Variants in MYO5B observed in about 807,000 individuals in gnomAD.
MYO5B encodes unconventional myosin-Vb.
In MYO5B, 143 loss-of-function variants were observed where a neutral mutation model predicts 229.3. The observed-to-expected ratio is 0.62, with a 90% CI of 0.54 to 0.72. The LOEUF is 0.72. MYO5B is among the 30% of genes least tolerant of loss of function. The pLI, the probability that MYO5B is intolerant of heterozygous loss-of-function variation, is 0.00. For synonymous variants in MYO5B, 918 were observed against 885.2 expected (o/e 1.04, Z -0.66); for missense variants, 2,321 against 2,331.0 (o/e 1.00, Z 0.09).
intron 2 of MYO5B, among the ~76,000 whole-genome samples, chr18:50,045,690 T>C (rs2030205436): frequency 6.6e-6 from 1 of 152,164 alleles, no homozygotes; most frequent in African/African-American, 2.4e-5. Flanking sequence ...GATCCTGGCC[T>C]CCAAGAGTTA....
At chr18:49,928,780 C>T (rs904019634) in intron 17 of MYO5B, among the ~76,000 whole-genome samples, 1 of 152,184 alleles carries the variant, frequency 6.6e-6, no homozygotes, top group Non-Finnish European at 1.5e-5. Context: ...TGAAGTACTA[C>T]TCAGCCATAA....
chr18:50,095,626 T>G (rs1353463211), intron 1 of MYO5B, among the ~76,000 whole-genome samples: 1 of 152,230 alleles, frequency 6.6e-6, no homozygotes, highest in Non-Finnish European at 1.5e-5. Flanking sequence ...TGAGCATGTG[T>G]GAGCCTAGCT....
chr18:49,941,844 A>G (rs1247556317), intron 14 of MYO5B, among the ~76,000 whole-genome samples: 2 of 145,086 alleles, frequency 1.4e-5, no homozygotes, highest in Non-Finnish European at 1.5e-5. Context: ...GTTCATATGG[A>G]ACCAAAAAAG....
At chr18:50,147,882 T>C (rs543814402) in intron 1 of MYO5B, among the ~76,000 whole-genome samples, 2 of 152,144 alleles carry the variant, frequency 1.3e-5, no homozygotes, top group African/African-American at 2.4e-5. Flanking sequence ...GCAGAAACTG[T>C]TACCAGCATT....
intron 3 of MYO5B, among the ~76,000 whole-genome samples, 157 bp from the exon 4 acceptor site, chr18:50,037,151 C>A (rs1568080486): frequency 2.0e-5 from 3 of 151,916 alleles, no homozygotes; most frequent in Admixed American, 2.0e-4. Context: ...CAAGGCTCAT[C>A]TGTGTGCTTC....
chr18:50,077,196 CAACTT>C (rs2031103550), intron 1 of MYO5B, among the ~76,000 whole-genome samples: 1 of 106,796 alleles, frequency 9.4e-6, no homozygotes, highest in Non-Finnish European at 2.0e-5. Flanking sequence ...AAAAAAAAGA[CAACTT>C]ACATCAGTGA....
intron 1 of MYO5B, among the ~76,000 whole-genome samples, chr18:50,188,652 T>C (rs745498060): frequency 6.6e-6 from 1 of 151,870 alleles, no homozygotes; most frequent in Non-Finnish European, 1.5e-5. Flanking sequence ...CCGGGAGTGG[T>C]GGCACACACC....
At chr18:50,020,069 G>T (rs1028503708) in intron 4 of MYO5B, among the ~76,000 whole-genome samples, 4 of 152,120 alleles carry the variant, frequency 2.6e-5, no homozygotes, top group Non-Finnish European at 5.9e-5. Context: ...AAAGCCTGCA[G>T]CTCCACACCC....
intron 16 of MYO5B, among the ~76,000 whole-genome samples, chr18:49,931,060 C>T (rs1227197690): frequency 6.6e-6 from 1 of 152,164 alleles, no homozygotes; most frequent in African/African-American, 2.4e-5. Context: ...GGACGAGGAA[C>T]AAATGCTCCC....
chr18:50,034,731 G>A (rs571965651), intron 4 of MYO5B, among the ~76,000 whole-genome samples: 65 of 152,080 alleles, frequency 4.3e-4, no homozygotes, highest in Middle Eastern at 3.4e-3. Context: ...GCGAAAGAGC[G>A]AAACTCCATC....
intron 1 of MYO5B, chr18:50,097,366 C>T (rs1262067219): frequency 2.3e-6 from 1 of 441,678 alleles, no homozygotes; most frequent in Non-Finnish European, 4.6e-6. Flanking sequence ...ATTCCCAGTC[C>T]AAGTTCACTA....
At chr18:49,913,363 T>C (rs2024978737) in intron 17 of MYO5B, among the ~76,000 whole-genome samples, 1 of 152,216 alleles carries the variant, frequency 6.6e-6, no homozygotes, top group South Asian at 2.1e-4. Context: ...GATTTTTCTT[T>C]CAATTTTTGG....
At chr18:49,895,256 G>T in intron 21 of MYO5B, 82 bp from the exon 22 acceptor site, 1 of 1,231,006 alleles carries the variant, frequency 8.1e-7, no homozygotes, top group African/African-American at 1.5e-5. Flanking sequence ...AAAGCATGAA[G>T]GCAATCAAAA....
chr18:49,845,146 C>T (rs1344609297), intron 33 of MYO5B, among the ~76,000 whole-genome samples: 1 of 152,138 alleles, frequency 6.6e-6, no homozygotes, highest in Non-Finnish European at 1.5e-5. Context: ...CACAAGCAGC[C>T]TTATTTATTG....
intron 5 of MYO5B, among the ~76,000 whole-genome samples, chr18:49,999,506 A>C (rs550812905): frequency 6.6e-6 from 1 of 152,248 alleles, no homozygotes; most frequent in East Asian, 1.9e-4. Context: ...TTATTAATCT[A>C]TGTTTGCAGC....
chr18:50,016,620 C>T (rs950352447), intron 4 of MYO5B, among the ~76,000 whole-genome samples: 24 of 152,182 alleles, frequency 1.6e-4, no homozygotes, highest in African/African-American at 5.3e-4. Context: ...AAAATATCTT[C>T]TCCAAATCTG....
intron 1 of MYO5B, among the ~76,000 whole-genome samples, chr18:50,154,719 G>A (rs2032653259): frequency 6.6e-6 from 1 of 152,150 alleles, no homozygotes; most frequent in African/African-American, 2.4e-5. Context: ...ACACTGAGGT[G>A]GGAGGGACTG....
At chr18:50,132,551 G>A (rs997999898) in intron 1 of MYO5B, among the ~76,000 whole-genome samples, 17 of 152,310 alleles carry the variant, frequency 1.1e-4, no homozygotes, top group Admixed American at 1.1e-3. Flanking sequence ...TCTGCCATAG[G>A]CTGGGGAAGA....
chr18:50,063,797 A>C (rs535595208), intron 1 of MYO5B: 1 of 152,368 alleles, frequency 6.6e-6, no homozygotes, highest in Admixed American at 6.5e-5. Flanking sequence ...TGTGTCAGTC[A>C]CAATTCCATT....
Sources: gnomAD v4.1 joint callset for allele counts (sites outside exome capture counted in the v4.1 genomes callset) on GRCh38, gnomAD v4.1.1 for gene constraint, MANE v1.5 for transcripts, NCBI Gene and HGNC (gene_info 2026-07-23, HGNC 2026-07-21) for gene names.